Variants in AGBL1 observed in about 807,000 individuals in gnomAD.
The protein encoded by AGBL1 is cytosolic carboxypeptidase 4.
In AGBL1, 130 loss-of-function variants were observed where a neutral mutation model predicts 118.9. The ratio of observed to expected loss-of-function variants is 1.09; its 90% CI spans 0.95 to 1.26. The LOEUF (loss-of-function observed/expected upper bound fraction) is 1.26, where lower values mean the gene tolerates loss of function less well. AGBL1 is among the 50% of genes most tolerant of loss of function. The pLI, the probability that AGBL1 is intolerant of heterozygous loss-of-function variation, is 0.00. For missense variants in AGBL1, 1,584 were observed against 1,298.1 expected (o/e 1.22, Z -3.38); for synonymous variants, 555 against 478.9 (o/e 1.16, Z -2.08).
chr15:86,767,544 G>A (rs186674058), intron 22 of AGBL1, among the ~76,000 whole-genome samples: 1 of 151,940 alleles, frequency 6.6e-6, no homozygotes, highest in Non-Finnish European at 1.5e-5. Flanking sequence ...AACAGTCAAA[G>A]AATTCTATTC....
At chr15:86,702,348 C>G (rs62031366) in intron 22 of AGBL1, among the ~76,000 whole-genome samples, 60,266 of 149,968 alleles carry the variant, frequency 0.4, 12,756 homozygotes, top group East Asian at 0.75. Flanking sequence ...GGAACTCTAG[C>G]AGGACAGAGA....
At chr15:86,214,305 C>G (rs141521457) in intron 5 of AGBL1, among the ~76,000 whole-genome samples, 1 of 152,160 alleles carries the variant, frequency 6.6e-6, no homozygotes, top group African/African-American at 2.4e-5. Flanking sequence ...TGGATTATAT[C>G]ATAGGTACAT....
At chr15:86,731,901 A>G (rs2077532185) in intron 22 of AGBL1, among the ~76,000 whole-genome samples, 1 of 152,188 alleles carries the variant, frequency 6.6e-6, no homozygotes, top group Admixed American at 6.5e-5. Context: ...GAACAAAATA[A>G]AAACTCAGTT....
At chr15:86,592,937 T>A (rs1938010226) in intron 21 of AGBL1, among the ~76,000 whole-genome samples, 1 of 152,206 alleles carries the variant, frequency 6.6e-6, no homozygotes. Flanking sequence ...ACAAAACCAC[T>A]GGTTTAACAT....
chr15:86,395,806 G>C (rs1165935239), intron 17 of AGBL1, among the ~76,000 whole-genome samples: 1 of 151,938 alleles, frequency 6.6e-6, no homozygotes, highest in East Asian at 1.9e-4. Context: ...TGGTCTTAGT[G>C]ATGATAATAA....
chr15:86,676,326 G>A (rs533123614), intron 22 of AGBL1, among the ~76,000 whole-genome samples: 5 of 152,192 alleles, frequency 3.3e-5, no homozygotes, highest in East Asian at 1.9e-4. Flanking sequence ...TTGACCACAC[G>A]GATTGCGATT....
intron 17 of AGBL1, among the ~76,000 whole-genome samples, chr15:86,329,319 G>A (rs1016288030): frequency 6.6e-6 from 1 of 151,936 alleles, no homozygotes; most frequent in African/African-American, 2.4e-5. Context: ...ATAGTGCAGT[G>A]GGGCCCTCTC....
At chr15:86,165,409 C>A (rs979455350) in intron 5 of AGBL1, among the ~76,000 whole-genome samples, 1 of 152,086 alleles carries the variant, frequency 6.6e-6, no homozygotes, top group Non-Finnish European at 1.5e-5. Context: ...TGCCCAAAGC[C>A]GGGTCTTCTG....
intron 23 of AGBL1, among the ~76,000 whole-genome samples, chr15:86,948,550 C>A (rs898200085): frequency 6.6e-6 from 1 of 152,162 alleles, no homozygotes; most frequent in Admixed American, 6.5e-5. Flanking sequence ...ATAAGATTAC[C>A]CTTCCTGGTC....
At chr15:86,729,055 T>C (rs548018964) in intron 22 of AGBL1, among the ~76,000 whole-genome samples, 1 of 152,214 alleles carries the variant, frequency 6.6e-6, no homozygotes, top group African/African-American at 2.4e-5. Context: ...GTTTATGACC[T>C]GTTAACATTT....
intron 19 of AGBL1, among the ~76,000 whole-genome samples, chr15:86,545,664 C>G (rs2083569817): frequency 6.6e-6 from 1 of 152,044 alleles, no homozygotes. Flanking sequence ...GCCCTTGTTC[C>G]TATTTTCTTT....
intron 24 of AGBL1, among the ~76,000 whole-genome samples, chr15:87,001,765 G>T (rs1359518226): frequency 6.6e-6 from 1 of 151,990 alleles, no homozygotes; most frequent in Non-Finnish European, 1.5e-5. Context: ...TCTGTTGGTG[G>T]CATAAATGTC....
At chr15:86,879,376 T>A (rs2079858584) in intron 22 of AGBL1, among the ~76,000 whole-genome samples, 1 of 152,106 alleles carries the variant, frequency 6.6e-6, no homozygotes, top group African/African-American at 2.4e-5. Context: ...GGTCTTTTTT[T>A]GGGAAAGAAC....
At chr15:86,163,066 T>C (rs554868077) in intron 5 of AGBL1, among the ~76,000 whole-genome samples, 1 of 152,370 alleles carries the variant, frequency 6.6e-6, no homozygotes, top group South Asian at 2.1e-4. Flanking sequence ...CTTCCTAAAG[T>C]AGAAATCAAA....
chr15:86,743,429 C>T, intron 22 of AGBL1, among the ~76,000 whole-genome samples: 1 of 152,050 alleles, frequency 6.6e-6, no homozygotes, highest in Admixed American at 6.6e-5. Flanking sequence ...CTTCTCAGAA[C>T]CACCTGGGCT....
At chr15:86,953,133 T>C (rs1281764583) in intron 23 of AGBL1, among the ~76,000 whole-genome samples, 2 of 152,208 alleles carry the variant, frequency 1.3e-5, no homozygotes, top group Non-Finnish European at 2.9e-5. Flanking sequence ...TTGTTTACAA[T>C]TGCTTTGGCT....
intron 22 of AGBL1, among the ~76,000 whole-genome samples, chr15:86,858,576 A>G (rs957330671): frequency 6.6e-6 from 1 of 152,052 alleles, no homozygotes; most frequent in East Asian, 1.9e-4. Flanking sequence ...CGGACAACCT[A>G]TTATGTCCAG....
chr15:86,778,648 G>A (rs1250556921), intron 22 of AGBL1, among the ~76,000 whole-genome samples: 2 of 152,090 alleles, frequency 1.3e-5, no homozygotes, highest in East Asian at 3.9e-4. Flanking sequence ...TATCTCTCTT[G>A]CTCCCTGAAC....
At chr15:86,894,870 A>G (rs769926812) in intron 22 of AGBL1, among the ~76,000 whole-genome samples, 5 of 152,320 alleles carry the variant, frequency 3.3e-5, no homozygotes, top group Non-Finnish European at 2.9e-5. Flanking sequence ...TTTACCTTCA[A>G]GATAGAAAGG....
Sources: gnomAD v4.1 joint callset for allele counts (sites outside exome capture counted in the v4.1 genomes callset) on GRCh38, gnomAD v4.1.1 for gene constraint, MANE v1.5 for transcripts, NCBI Gene and HGNC (gene_info 2026-07-23, HGNC 2026-07-21) for gene names.